LSAMP: variants seen among roughly 807,000 people sequenced by gnomAD.
LSAMP encodes limbic system-associated membrane protein.
A neutral mutation model predicts 38.6 loss-of-function variants in LSAMP; 7 were observed. The observed-to-expected ratio is 0.18, with a 90% CI of 0.10 to 0.34. LSAMP has a LOEUF of 0.34. Among genes scored for constraint, LSAMP ranks in the 10% least tolerant of loss-of-function variants. The pLI, the probability that LSAMP is intolerant of heterozygous loss-of-function variation, is 1.00. For synonymous variants in LSAMP, 154 were observed against 166.8 expected (o/e 0.92, Z 0.59); for missense variants, 313 against 420.0 (o/e 0.75, Z 2.23).
intron 6 of LSAMP, among the ~76,000 whole-genome samples, chr3:115,838,540 T>C (rs1028761386): frequency 1.3e-5 from 2 of 152,210 alleles, no homozygotes; most frequent in African/African-American, 2.4e-5. Context: ...GATTAATGTA[T>C]TCAAAACTTT....
intron 1 of LSAMP, among the ~76,000 whole-genome samples, chr3:116,167,103 A>G (rs1371344411): frequency 1.3e-5 from 2 of 151,854 alleles, no homozygotes; most frequent in African/African-American, 4.8e-5. Context: ...AAAATTTTTA[A>G]TTTTTTTAAA....
At chr3:115,995,212 A>G (rs1404354609) in intron 3 of LSAMP, among the ~76,000 whole-genome samples, 5 of 152,112 alleles carry the variant, frequency 3.3e-5, no homozygotes, top group Non-Finnish European at 7.4e-5. Flanking sequence ...TAATGTCACC[A>G]TTATTCCTGT....
intron 3 of LSAMP, among the ~76,000 whole-genome samples, chr3:116,006,952 C>A (rs1940177043): frequency 6.6e-6 from 1 of 152,046 alleles, no homozygotes; most frequent in African/African-American, 2.4e-5. Flanking sequence ...TTCCACAGCC[C>A]AAACAGCATA....
chr3:116,289,369 A>C (rs2047233899), intron 1 of LSAMP, among the ~76,000 whole-genome samples: 1 of 152,230 alleles, frequency 6.6e-6, no homozygotes, highest in Non-Finnish European at 1.5e-5. Flanking sequence ...TAATTTGCTT[A>C]ATTTGTTTAA....
At chr3:116,377,218 C>CT (rs1448722307) in intron 1 of LSAMP, among the ~76,000 whole-genome samples, 1 of 151,956 alleles carries the variant, frequency 6.6e-6, no homozygotes, top group Non-Finnish European at 1.5e-5. Flanking sequence ...TTTCCTAATG[C>CT]TCTCCCTTCC....
In LSAMP at chr3:115,806,923, A is replaced by G. The variant is rs912760307; in HGVS notation, c.*3394T>C. 5.3e-5 allele frequency: 8 copies of G among 152,224 alleles called. No homozygotes were observed. The highest frequency in any genetic ancestry group is 7.3e-5 in the Non-Finnish European group (5 of 68,044). 9.4% of individuals were successfully genotyped at this position (152,224 alleles called of 1,614,324 possible). ...CATTCTTCAGGAAGCACCCTGGGTCAAAGTCATTTCTGTTTTTGTTAACTG... is the reference window on the plus strand; with the variant it reads ...CATTCTTCAGGAAGCACCCTGGGTCGAAGTCATTTCTGTTTTTGTTAACTG... On this transcript the variant is annotated 3_prime_UTR_variant, in exon 7 of 7. Transcript: ENST00000490035.
intron 1 of LSAMP, among the ~76,000 whole-genome samples, chr3:116,093,520 C>T (rs186644247): frequency 6.6e-6 from 1 of 152,250 alleles, no homozygotes; most frequent in East Asian, 1.9e-4. Context: ...AGCAATGAGG[C>T]CTAGTGAGGC....
intron 1 of LSAMP, among the ~76,000 whole-genome samples, chr3:116,160,418 G>C (rs1287527398): frequency 6.7e-6 from 1 of 149,674 alleles, no homozygotes; most frequent in Non-Finnish European, 1.5e-5. Context: ...AAGAGAGAGA[G>C]GGAGGGAGGG....
chr3:116,428,181 T>C (rs1364978282), intron 1 of LSAMP, among the ~76,000 whole-genome samples: 6 of 152,150 alleles, frequency 3.9e-5, no homozygotes, highest in Non-Finnish European at 7.4e-5. Flanking sequence ...TGGTCTAGAA[T>C]TGTCTGCAAA....
At chr3:115,951,615 C>T (rs1318023954) in intron 3 of LSAMP, among the ~76,000 whole-genome samples, 2 of 152,162 alleles carry the variant, frequency 1.3e-5, no homozygotes, top group Admixed American at 6.5e-5. Flanking sequence ...ATCTAATCAG[C>T]TGCCAGTGTG....
At chr3:115,871,085 A>G (rs1489373839) in intron 3 of LSAMP, among the ~76,000 whole-genome samples, 1 of 152,142 alleles carries the variant, frequency 6.6e-6, no homozygotes, top group African/African-American at 2.4e-5. Flanking sequence ...TTATATTTGC[A>G]ATAGTTGAAA....
At chr3:116,404,468 T>C (rs1368520437) in intron 1 of LSAMP, among the ~76,000 whole-genome samples, 4 of 152,098 alleles carry the variant, frequency 2.6e-5, no homozygotes, top group African/African-American at 7.2e-5. Context: ...ATAGAATATA[T>C]GCACAGAAGA....
chr3:116,198,820 G>A (rs557302679), intron 1 of LSAMP, among the ~76,000 whole-genome samples: 1 of 151,462 alleles, frequency 6.6e-6, no homozygotes, highest in East Asian at 1.9e-4. Context: ...GCTCATGCCT[G>A]TAATCCCAGC....
chr3:116,182,348 T>C (rs1710505698), intron 1 of LSAMP, among the ~76,000 whole-genome samples: 1 of 151,318 alleles, frequency 6.6e-6, no homozygotes, highest in South Asian at 2.1e-4. Flanking sequence ...ATAAAAACAT[T>C]GGATTTTTAA....
At chr3:116,181,106 T>G (rs1052748032) in intron 1 of LSAMP, among the ~76,000 whole-genome samples, 2 of 152,060 alleles carry the variant, frequency 1.3e-5, no homozygotes, top group African/African-American at 4.8e-5. Flanking sequence ...TTTAAGTACA[T>G]ATAACATCCT....
chr3:116,371,439 A>T (rs1165781670), intron 1 of LSAMP, among the ~76,000 whole-genome samples: 1 of 152,150 alleles, frequency 6.6e-6, no homozygotes, highest in Non-Finnish European at 1.5e-5. Context: ...AAAGAGGAAA[A>T]AAAACACATT....
intron 3 of LSAMP, among the ~76,000 whole-genome samples, chr3:115,984,555 A>T (rs2107632746): frequency 6.6e-6 from 1 of 152,360 alleles, no homozygotes; most frequent in South Asian, 2.1e-4. Flanking sequence ...TCACTTATCT[A>T]ATCATTTATG....
intron 6 of LSAMP, among the ~76,000 whole-genome samples, chr3:115,822,486 G>A (rs537802831): frequency 1.3e-5 from 2 of 150,938 alleles, no homozygotes; most frequent in African/African-American, 4.9e-5. Flanking sequence ...TCAGCCTCCC[G>A]AGTAGCTGGG....
At position 115,808,140 on chromosome 3, in the gene LSAMP, CCCTCCCTCCCCCCCTT is replaced by C. The variant is rs1559828918; in HGVS notation, c.*2161_*2176del. 1 of 73,708 alleles carries C rather than the reference CCCTCCCTCCCCCCCTT, an allele frequency of 1.4e-5. No individual in the cohort carries two copies. Among genetic ancestry groups the C allele is most frequent in the South Asian group, 7.9e-4 (1 of 1,268 alleles). The allele number at this position is 73,708 out of a possible 1,614,324, so 4.6% of individuals were successfully genotyped here. A position where few individuals can be genotyped will look rare whatever the true frequency, so the allele number is the denominator to read the frequency against. On this transcript the variant is annotated 3_prime_UTR_variant, in exon 7 of 7. Transcript: ENST00000490035. ...TCCCTCCCTCCCTCCCTCCCTCCCT[CCCTCCCTCCCCCCCTT>C]CCCCGTCCCCCCCTCCCTGCCTTCC...
Sources: allele counts gnomAD v4.1 joint callset (sites outside exome capture counted in the v4.1 genomes callset), GRCh38; gene constraint gnomAD v4.1.1; transcripts MANE v1.5; gene names NCBI Gene and HGNC (gene_info 2026-07-23, HGNC 2026-07-21).